BBIP1: variants seen among roughly 807,000 people sequenced by gnomAD.
BBIP1 encodes the protein BBSome-interacting protein 1.
A neutral mutation model predicts 8.9 loss-of-function variants in BBIP1; 6 were observed. The ratio of observed to expected loss-of-function variants is 0.67; its 90% CI spans 0.37 to 1.33. BBIP1 has a LOEUF of 1.33. Among genes scored for constraint, BBIP1 ranks in the 40% most tolerant of loss-of-function variants. The pLI is 0.02. For synonymous variants in BBIP1, 32 were observed against 33.4 expected (o/e 0.96, Z 0.14); for missense variants, 111 against 109.2 (o/e 1.02, Z -0.07).
chr10:110,900,661 G>T, intron 3 of BBIP1, 135 bp from the exon 4 acceptor site: 4 of 701,516 alleles, frequency 5.7e-6, no homozygotes, highest in Non-Finnish European at 8.9e-6. Context: ...ATTGAGTTTT[G>T]CTCTGGAACC....
chr10:110,905,489 G>T (rs958677501), intron 2 of BBIP1, among the ~76,000 whole-genome samples: 1 of 152,008 alleles, frequency 6.6e-6, no homozygotes, highest in Non-Finnish European at 1.5e-5. Flanking sequence ...GTGAACCTGG[G>T]AGGCGGAGCT....
At chr10:110,909,388 G>A (rs781370203) in intron 2 of BBIP1, among the ~76,000 whole-genome samples, 1 of 152,082 alleles carries the variant, frequency 6.6e-6, no homozygotes, top group Non-Finnish European at 1.5e-5. Context: ...TAGAGATGGG[G>A]TTTCATCATG....
At chr10:110,901,680 G>T in intron 2 of BBIP1, 68 bp from the exon 3 acceptor site, 1 of 1,240,860 alleles carries the variant, frequency 8.1e-7, no homozygotes, top group Non-Finnish European at 1.1e-6. Flanking sequence ...CATTTCCATT[G>T]TAGTTTAAGA....
intron 2 of BBIP1, among the ~76,000 whole-genome samples, chr10:110,905,445 C>T (rs1326737179): frequency 6.6e-6 from 1 of 151,850 alleles, no homozygotes; most frequent in Non-Finnish European, 1.5e-5. Flanking sequence ...GCCTGTAGTC[C>T]CAGCTACTCC....
intron 2 of BBIP1, chr10:110,911,725 A>C (rs1167978573): frequency 6.6e-6 from 1 of 152,104 alleles, no homozygotes; most frequent in Non-Finnish European, 1.5e-5. Context: ...CATATAGTCG[A>C]TAAGAAACAG....
chr10:110,910,257 TAA>T (rs766930880), intron 2 of BBIP1, among the ~76,000 whole-genome samples: 1 of 151,754 alleles, frequency 6.6e-6, no homozygotes, highest in South Asian at 2.1e-4. Context: ...GAAGAAGCAT[TAA>T]AAAAAAGTGT....
At chr10:110,901,282 TAAAAA>T (rs753302558) in intron 3 of BBIP1, 51 of 461,404 alleles carry the variant, frequency 1.1e-4, no homozygotes, top group African/African-American at 6.5e-4. Context: ...ACCTGTCTCT[TAAAAA>T]AAATTCATAT....
At chr10:110,918,288 GTTGT>G (rs1846480532) in intron 1 of BBIP1, 75 bp from the exon 2 acceptor site, 4 of 755,298 alleles carry the variant, frequency 5.3e-6, no homozygotes, top group African/African-American at 1.8e-5. Flanking sequence ...TCTTCAACAC[GTTGT>G]TTAAGAAACT....
chr10:110,913,217 T>C (rs1031805606), intron 2 of BBIP1, among the ~76,000 whole-genome samples: 1 of 152,212 alleles, frequency 6.6e-6, no homozygotes, highest in Admixed American at 6.5e-5. Context: ...GAGGTTTGGT[T>C]TTCTCATACA....
intron 2 of BBIP1, chr10:110,906,498 T>C (rs1223878117): frequency 1.3e-5 from 2 of 152,258 alleles, no homozygotes; most frequent in Non-Finnish European, 2.9e-5. Context: ...AGAAGACAGC[T>C]TTATTTTCTC....
intron 2 of BBIP1, chr10:110,901,951 G>A (rs1393937084): frequency 9.2e-6 from 2 of 217,962 alleles, no homozygotes; most frequent in East Asian, 2.0e-4. Context: ...AGCGTGGTTC[G>A]TTGATAGCAT....
In BBIP1 at chr10:110,901,379, C is replaced by T. The variant is rs189423172; in HGVS notation, c.112+159G>A. On this transcript the variant is annotated intron_variant, in intron 3 of 3. Transcript: ENST00000448814. ...CAATGTTTCATTTGTTATCCTTTTA[C>T]TGGATGTCATGAAAAAGCATATAGT... 5.5e-4 allele frequency: 328 copies of T among 600,598 alleles called. No homozygotes were observed. The African/African-American group carries it at 5.5e-3, about 10-fold the overall frequency. 37.2% of individuals were successfully genotyped at this position (600,598 alleles called of 1,614,324 possible).
Position 110,919,162 on chromosome 10 carries a change from A to C in BBIP1, c.-98T>G. 6.4e-6 allele frequency: 1 copy of C among 156,904 alleles called. No individual in the cohort carries two copies. The highest frequency in any genetic ancestry group is 1.4e-5 in the Non-Finnish European group (1 of 71,284). 9.7% of individuals were successfully genotyped at this position (156,904 alleles called of 1,614,324 possible). On this transcript the variant is annotated 5_prime_UTR_variant, in exon 1 of 4. Transcript: ENST00000448814. Reference sequence around the variant, plus strand: ...AGACGGCTCAGCTGTTGCCCCGGGTAACGGTGAGACTGGCGAAGGAAAAAA... The same window carrying C: ...AGACGGCTCAGCTGTTGCCCCGGGTCACGGTGAGACTGGCGAAGGAAAAAA...
At chr10:110,901,308 A>T (rs1018262331) in intron 3 of BBIP1, 1 of 523,072 alleles carries the variant, frequency 1.9e-6, no homozygotes, top group South Asian at 2.1e-5. Flanking sequence ...TGTAATTAGG[A>T]ATTTTAGGAA....
At chr10:110,918,288 G>T in intron 1 of BBIP1, 75 bp from the exon 2 acceptor site, 1 of 755,298 alleles carries the variant, frequency 1.3e-6, no homozygotes, top group Non-Finnish European at 2.2e-6. Flanking sequence ...TCTTCAACAC[G>T]TTGTTTAAGA....
chr10:110,900,441 T>A lies in BBIP1; in HGVS notation c.198A>T (p.Leu66=). The change falls in exon 4 of 4, where the codon CTA becomes CTT. Residue 66 remains leucine, a synonymous_variant. Transcript: ENST00000448814. ...TCTGTGCTGCTTGATGCATTTTCTC[T>A]AGTTTTTCCAGAGTCAGAGATTTTA... ...LPLKSLTLEK[L]EKMHQAAQNT... The A allele has an allele frequency of 6.5e-7, 1 of 1,535,960 alleles. No individual in the cohort carries two copies. The highest frequency in any genetic ancestry group is 2.4e-5 in the East Asian group (1 of 40,894).
intron 2 of BBIP1, chr10:110,904,540 A>G (rs907657456): frequency 1.3e-5 from 2 of 152,234 alleles, no homozygotes; most frequent in African/African-American, 4.8e-5. Flanking sequence ...AAAAAAGTTA[A>G]AAGTCTGATA....
intron 2 of BBIP1, chr10:110,907,179 C>G (rs1458670656): frequency 6.6e-6 from 1 of 152,220 alleles, no homozygotes; most frequent in Non-Finnish European, 1.5e-5. Context: ...TAGTAAGATT[C>G]TACCAGGCTA....
At chr10:110,910,267 T>G (rs1416891650) in intron 2 of BBIP1, among the ~76,000 whole-genome samples, 2 of 151,790 alleles carry the variant, frequency 1.3e-5, no homozygotes, top group Non-Finnish European at 1.5e-5. Context: ...TAAAAAAAAG[T>G]GTTCTGTCGG....
Sources: allele counts gnomAD v4.1 joint callset (sites outside exome capture counted in the v4.1 genomes callset), GRCh38; gene constraint gnomAD v4.1.1; transcripts MANE v1.5; gene names NCBI Gene and HGNC (gene_info 2026-07-23, HGNC 2026-07-21).